ARFIP1: variants seen among roughly 807,000 people sequenced by gnomAD.
The protein encoded by ARFIP1 is arfaptin-1.
A neutral mutation model predicts 42.5 loss-of-function variants in ARFIP1; 24 were observed. The ratio of observed to expected loss-of-function variants is 0.57; its 90% CI spans 0.41 to 0.80. The LOEUF is 0.80. ARFIP1 is among the 30% of genes least tolerant of loss of function. The pLI, the probability that ARFIP1 is intolerant of heterozygous loss-of-function variation, is 0.00. For missense variants in ARFIP1, 354 were observed against 434.0 expected, an observed-to-expected ratio of 0.82 and a Z score of 1.64; for synonymous variants, 141 against 153.7, an observed-to-expected ratio of 0.92 and a Z score of 0.61.
At chr4:152,905,552 T>TTTG (rs1738266990) in intron 8 of ARFIP1, among the ~76,000 whole-genome samples, 1 of 108,616 alleles carries the variant, frequency 9.2e-6, no homozygotes, top group African/African-American at 3.4e-5. Flanking sequence ...ATTGTTTTTT[T>TTTG]TTTTTTTTTT....
chr4:152,862,799 A>G (rs1452710946), intron 2 of ARFIP1, among the ~76,000 whole-genome samples: 1 of 152,218 alleles, frequency 6.6e-6, no homozygotes, highest in Non-Finnish European at 1.5e-5. Flanking sequence ...TACATTATTC[A>G]TAATTGTTGC....
chr4:152,894,892 AAT>A, intron 8 of ARFIP1, among the ~76,000 whole-genome samples: 1 of 152,222 alleles, frequency 6.6e-6, no homozygotes, highest in Non-Finnish European at 1.5e-5. Flanking sequence ...AACATCACTT[AAT>A]GTTGAGAAAG....
At chr4:152,882,959 G>GAA in intron 7 of ARFIP1, 79 bp downstream of exon 7, 1 of 1,451,718 alleles carries the variant, frequency 6.9e-7, no homozygotes, top group Non-Finnish European at 9.3e-7. Flanking sequence ...ACAAACAACA[G>GAA]AAACCAACTC....
chr4:152,801,213 A>G (rs544751440), intron 1 of ARFIP1, among the ~76,000 whole-genome samples: 3 of 152,208 alleles, frequency 2.0e-5, no homozygotes, highest in Non-Finnish European at 2.9e-5. Flanking sequence ...AGAGTGATCA[A>G]GAGTGCTAAT....
intron 1 of ARFIP1, among the ~76,000 whole-genome samples, chr4:152,820,424 A>G (rs746000706): frequency 2.8e-4 from 43 of 152,174 alleles, no homozygotes; most frequent in Non-Finnish European, 4.4e-4. Flanking sequence ...CACACACTGT[A>G]TTAGTTTGTT....
In ARFIP1 at chr4:152,881,019, T is replaced by C; in HGVS notation, c.468T>C (p.Leu156=). 1 of 1,613,930 alleles carries C rather than the reference T, an allele frequency of 6.2e-7. No individual in the cohort carries two copies. Among genetic ancestry groups the C allele is most frequent in the Middle Eastern group, 1.7e-4 (1 of 6,058 alleles). Residue 156 remains leucine (L), a synonymous_variant, in exon 6 of 9, where the codon CTT becomes CTC. Coordinates refer to ENST00000353617, the MANE Select transcript of ARFIP1 (RefSeq NM_001025595.3). ...KLGRGSRTVD[L]ELEAQIDILR... is the part of the protein sequence containing the mutation. ...GCCGTGGCTCAAGAACTGTGGACCTTGAACTTGAAGCTCAGATTGATATAT... is the reference window on the plus strand; with the variant it reads ...GCCGTGGCTCAAGAACTGTGGACCTCGAACTTGAAGCTCAGATTGATATAT...
At chr4:152,830,211 C>G (rs1378290650) in intron 2 of ARFIP1, among the ~76,000 whole-genome samples, 1 of 152,114 alleles carries the variant, frequency 6.6e-6, no homozygotes, top group Non-Finnish European at 1.5e-5. Flanking sequence ...AATTTTATTG[C>G]ATTTTAATGG....
chr4:152,812,850 A>C (rs555995349), intron 1 of ARFIP1, among the ~76,000 whole-genome samples: 9 of 152,238 alleles, frequency 5.9e-5, no homozygotes, highest in Non-Finnish European at 1.3e-4. Context: ...TCATTTCCAC[A>C]ATCCAGTTAC....
chr4:152,803,818 T>A (rs1346536793), intron 1 of ARFIP1, among the ~76,000 whole-genome samples: 1 of 151,410 alleles, frequency 6.6e-6, no homozygotes, highest in South Asian at 2.1e-4. Context: ...TCTGCAGTTG[T>A]TGGAAGTGAA....
chr4:152,900,795 T>TTA (rs1301194560), intron 8 of ARFIP1, among the ~76,000 whole-genome samples: 3 of 152,266 alleles, frequency 2.0e-5, no homozygotes, highest in Admixed American at 1.3e-4. Context: ...ACCTTACATG[T>TTA]TAGCGGTTGG....
chr4:152,807,708 AC>A (rs1256659425), intron 1 of ARFIP1, among the ~76,000 whole-genome samples: 1 of 146,506 alleles, frequency 6.8e-6, no homozygotes, highest in Non-Finnish European at 1.5e-5. Context: ...TCTGTGGTTC[AC>A]CTTTTTGTTT....
intron 3 of ARFIP1, among the ~76,000 whole-genome samples, chr4:152,869,729 A>G (rs1483961695): frequency 6.6e-6 from 1 of 152,206 alleles, no homozygotes; most frequent in Non-Finnish European, 1.5e-5. Context: ...GCTCTCAGCC[A>G]GTAGTTAATG....
chr4:152,868,890 G>A (rs1219382117), intron 3 of ARFIP1, among the ~76,000 whole-genome samples: 1 of 152,186 alleles, frequency 6.6e-6, no homozygotes, highest in Non-Finnish European at 1.5e-5. Context: ...ATATTATGGT[G>A]TTCAGAACAT....
chr4:152,879,184 A>T (rs1404630062), intron 5 of ARFIP1, among the ~76,000 whole-genome samples: 5 of 131,448 alleles, frequency 3.8e-5, no homozygotes, highest in Non-Finnish European at 8.1e-5. Context: ...CTCTTTTGTT[A>T]AAAAAAAAAA....
Position 152,804,239 on chromosome 4 carries a change from A to AT in ARFIP1, c.-10+24014dup, listed in dbSNP as rs1234434837. On this transcript the variant is annotated intron_variant, in intron 1 of 8. Coordinates refer to ENST00000353617, the MANE Select transcript of ARFIP1 (RefSeq NM_001025595.3). The stretch of plus-strand genomic sequence containing the variant: ...ATATATAATATAACATGTATTATAT[A>AT]TAATATATAATATAACATGTATTAT... 2.9e-4 allele frequency among the ~76,000 whole-genome samples: 32 copies of AT among 112,200 alleles called. 6 individuals are homozygous for AT. Among genetic ancestry groups the AT allele is most frequent in the African/African-American group, 1.2e-3 (31 of 26,274 alleles). 73.6% of individuals were successfully genotyped at this position (112,200 alleles called of 152,430 possible). A position where few individuals can be genotyped will look rare whatever the true frequency, so the allele number is the denominator to read the frequency against.
intron 4 of ARFIP1, among the ~76,000 whole-genome samples, chr4:152,872,184 A>T (rs111434895): frequency 1.3e-5 from 2 of 152,242 alleles, no homozygotes; most frequent in African/African-American, 4.8e-5. Context: ...AATAAGGCTG[A>T]TTGCAGCAAG....
At chr4:152,887,155 A>T (rs181152651) in intron 7 of ARFIP1, among the ~76,000 whole-genome samples, 32 of 152,110 alleles carry the variant, frequency 2.1e-4, no homozygotes, top group African/African-American at 7.0e-4. Flanking sequence ...CGAATAGTTG[A>T]AGCTGCTGGA....
intron 3 of ARFIP1, among the ~76,000 whole-genome samples, chr4:152,866,084 T>C (rs370662611): frequency 0.037 from 5,648 of 151,994 alleles, 153 homozygotes; most frequent in East Asian, 0.078. Context: ...AACGAGCATG[T>C]TGCCTTCAAG....
chr4:152,826,521 A>G (rs1730850894), intron 1 of ARFIP1, among the ~76,000 whole-genome samples: 1 of 152,126 alleles, frequency 6.6e-6, no homozygotes, highest in African/African-American at 2.4e-5. Context: ...TATAGGGTAC[A>G]ATGTACACTA....
Sources: gnomAD v4.1 joint callset for allele counts (sites outside exome capture counted in the v4.1 genomes callset) on GRCh38, gnomAD v4.1.1 for gene constraint, MANE v1.5 for transcripts, NCBI Gene and HGNC (gene_info 2026-07-23, HGNC 2026-07-21) for gene names.